Variants in PAPPA observed in about 807,000 individuals in gnomAD.
PAPPA encodes the protein pappalysin-1.
A neutral mutation model predicts 164.0 loss-of-function variants in PAPPA; 60 were observed. The ratio of observed to expected loss-of-function variants is 0.37; its 90% CI spans 0.30 to 0.45. The LOEUF (loss-of-function observed/expected upper bound fraction) is 0.45, where lower values mean the gene tolerates loss of function less well. Among genes scored for constraint, PAPPA ranks in the 20% least tolerant of loss-of-function variants. The probability of loss-of-function intolerance (pLI) is 1.00; values close to 1 mark genes in which losing one functional copy is unlikely to be tolerated. For synonymous variants in PAPPA, 875 were observed against 814.1 expected (o/e 1.07, Z -1.27); for missense variants, 1,782 against 2,087.3 (o/e 0.85, Z 2.85).
intron 20 of PAPPA, among the ~76,000 whole-genome samples, chr9:116,378,393 C>A (rs2118687756): frequency 1.3e-5 from 2 of 152,266 alleles, no homozygotes; most frequent in Admixed American, 1.3e-4. Context: ...TGTGGCTCTT[C>A]CCAGCTGGCA....
chr9:116,291,655 A>C (rs943537896), intron 9 of PAPPA, among the ~76,000 whole-genome samples: 1 of 152,170 alleles, frequency 6.6e-6, no homozygotes, highest in Non-Finnish European at 1.5e-5. Context: ...CAAGAGCTGT[A>C]CAAAATCATT....
chr9:116,353,422 T>C (rs796256289), intron 16 of PAPPA, among the ~76,000 whole-genome samples, 200 bp from the exon 17 acceptor site: 3 of 152,272 alleles, frequency 2.0e-5, no homozygotes, highest in African/African-American at 4.8e-5. Context: ...AAGCATGACA[T>C]TTCTGCCTGC....
intron 9 of PAPPA, among the ~76,000 whole-genome samples, chr9:116,285,167 C>CTTTCTTTTTTTTTTTTTTTTTTT (rs1564210345): frequency 1.1e-5 from 1 of 90,096 alleles, no homozygotes; most frequent in African/African-American, 4.3e-5. Flanking sequence ...TCTTTTCTTT[C>CTTTCTTTTTTTTTTTTTTTTTTT]TTTCTTTTTT....
chr9:116,174,124 A>C (rs1843803911), intron 1 of PAPPA, among the ~76,000 whole-genome samples: 1 of 152,190 alleles, frequency 6.6e-6, no homozygotes, highest in Admixed American at 6.5e-5. Context: ...CATTATTGTG[A>C]GAGTTACCTG....
chr9:116,214,910 G>A (rs1196181873), intron 4 of PAPPA, among the ~76,000 whole-genome samples: 1 of 151,992 alleles, frequency 6.6e-6, no homozygotes, highest in Non-Finnish European at 1.5e-5. Flanking sequence ...TAAGTCAATT[G>A]GTATGCTTAA....
chr9:116,369,147 T>TTC (rs138733335), intron 19 of PAPPA, among the ~76,000 whole-genome samples: 13 of 150,204 alleles, frequency 8.7e-5, no homozygotes, highest in East Asian at 1.9e-4. Context: ...CATCCACTGT[T>TTC]TCTCTCTCTC....
At chr9:116,247,037 AAGAG>A (rs1365158374) in intron 7 of PAPPA, among the ~76,000 whole-genome samples, 1 of 152,110 alleles carries the variant, frequency 6.6e-6, no homozygotes, top group Non-Finnish European at 1.5e-5. Context: ...GAATAAAAAA[AAGAG>A]AGAGAGAAAA....
In PAPPA at chr9:116,396,822, C is replaced by A; in HGVS notation, c.*206C>A. 1 of 581,754 alleles carries A rather than the reference C, an allele frequency of 1.7e-6. No individual in the cohort carries two copies. Among genetic ancestry groups the A allele is most frequent in the Middle Eastern group, 4.6e-4 (1 of 2,190 alleles). The allele number at this position is 581,754 out of a possible 1,614,324, so 36.0% of individuals were successfully genotyped here. ...GCCATGCTGGATGATGAAATGGATTCCCATCCCAAAGTCTGAGATGGATTG... is the reference window on the plus strand; with the variant it reads ...GCCATGCTGGATGATGAAATGGATTACCATCCCAAAGTCTGAGATGGATTG... On this transcript the variant is annotated 3_prime_UTR_variant, in exon 22 of 22. Coordinates refer to ENST00000328252, the MANE Select transcript of PAPPA (RefSeq NM_002581.5).
rs149655034 is a variant in PAPPA, at chr9:116,188,101, G to A, written c.1363G>A (p.Gly455Arg). 7.4e-5 allele frequency: 119 copies of A among 1,614,206 alleles called. 1 individual carries two copies. In the Middle Eastern group the frequency reaches 1.2e-3, roughly 16 times the overall value. ...HPAFVKKQHNGVCDMDCNYER... is the reference protein window; with the variant it reads ...HPAFVKKQHNRVCDMDCNYER... ...TGCCTTCGTGAAGAAGCAGCACAACGGGGTGTGTGACATGGACTGCAACTA... is the reference window on the plus strand; with the variant it reads ...TGCCTTCGTGAAGAAGCAGCACAACAGGGTGTGTGACATGGACTGCAACTA... Residue 455 changes from glycine (G) to arginine (R), a missense_variant, in exon 2 of 22, where the codon GGG (glycine) becomes AGG (arginine). Around this residue, in one of 2 missense-constraint regions of PAPPA, gnomAD observed 1,324 missense variants for 1,656.9 expected, o/e 0.80. Transcript: ENST00000328252.
intron 1 of PAPPA, among the ~76,000 whole-genome samples, chr9:116,186,876 C>T (rs1843976903): frequency 6.6e-6 from 1 of 152,108 alleles, no homozygotes; most frequent in South Asian, 2.1e-4. Flanking sequence ...TTCTTGTATG[C>T]TTCATATTCA....
chr9:116,360,731 A>C (rs1443697662), intron 17 of PAPPA, among the ~76,000 whole-genome samples: 1 of 152,222 alleles, frequency 6.6e-6, no homozygotes, highest in African/African-American at 2.4e-5. Context: ...TTCTTGAATG[A>C]GCAAAAATAT....
At chr9:116,249,255 G>T (rs1376323766) in intron 7 of PAPPA, among the ~76,000 whole-genome samples, 1 of 152,222 alleles carries the variant, frequency 6.6e-6, no homozygotes, top group Non-Finnish European at 1.5e-5. Flanking sequence ...TCACAGGTTA[G>T]TGAGAATCTC....
Position 116,207,661 on chromosome 9 carries a change from G to C in PAPPA, c.1624+60G>C, listed in dbSNP as rs570302109. ...AGTAGGACAGTAATACACTTAGTGC[G>C]ATGATGATCATTGTTACGATCATGA... On this transcript the variant is annotated intron_variant, in intron 3 of 21. Transcript: ENST00000328252. 40 of 1,253,384 alleles carry C rather than the reference G, an allele frequency of 3.2e-5. No homozygotes were observed. The African/African-American group carries it at 5.3e-4, about 17-fold the overall frequency. 77.6% of individuals were successfully genotyped at this position (1,253,384 alleles called of 1,614,324 possible).
Position 116,235,279 on chromosome 9 carries a change from G to T in PAPPA, c.2374G>T (p.Val792Phe). ...CGAGCTGGAGTTCCTCTACCCCTTG[G>T]TCCCTGAGTCTCTGACCATTTGGGT... ...YLELEFLYPL[V>F]PESLTIWVTF... Residue 792 changes from valine to phenylalanine, a missense_variant, in exon 7 of 22, where the codon GTC becomes TTC. Coordinates refer to ENST00000328252, the MANE Select transcript of PAPPA (RefSeq NM_002581.5). 6.2e-7 allele frequency: 1 copy of T among 1,614,034 alleles called. No homozygotes were observed. The highest frequency in any genetic ancestry group is 8.5e-7 in the Non-Finnish European group (1 of 1,180,000).
At chr9:116,193,225 G>A (rs1844064607) in intron 2 of PAPPA, among the ~76,000 whole-genome samples, 1 of 151,964 alleles carries the variant, frequency 6.6e-6, no homozygotes, top group Non-Finnish European at 1.5e-5. Context: ...GTTGTTGGAA[G>A]TCTCACAAAA....
chr9:116,334,051 T>C (rs183919012), intron 12 of PAPPA, among the ~76,000 whole-genome samples: 1 of 152,190 alleles, frequency 6.6e-6, no homozygotes, highest in East Asian at 1.9e-4. Flanking sequence ...TTTAGGGGCT[T>C]TCTGGAGTCC....
chr9:116,303,166 C>T (rs919917754), intron 10 of PAPPA, among the ~76,000 whole-genome samples: 4 of 152,110 alleles, frequency 2.6e-5, no homozygotes, highest in Non-Finnish European at 4.4e-5. Flanking sequence ...AATGACTGTC[C>T]TCCTATTTCC....
chr9:116,190,570 A>G (rs1844028752), intron 2 of PAPPA, among the ~76,000 whole-genome samples: 1 of 152,242 alleles, frequency 6.6e-6, no homozygotes, highest in Admixed American at 6.5e-5. Context: ...ATAAGGGGCA[A>G]AATTAAAAGA....
chr9:116,319,898 A>G (rs16933434), intron 10 of PAPPA, among the ~76,000 whole-genome samples: 4,226 of 152,288 alleles, frequency 0.028, 202 homozygotes, highest in East Asian at 0.24. Flanking sequence ...AATGATGGCA[A>G]AGAAAACATG....
Sources: gnomAD v4.1 joint callset for allele counts (sites outside exome capture counted in the v4.1 genomes callset) on GRCh38, gnomAD v4.1.1 for gene constraint, gnomAD v4.1.1 regional missense constraint, MANE v1.5 for transcripts, NCBI Gene and HGNC (gene_info 2026-07-23, HGNC 2026-07-21) for gene names.